Variants in PRCP observed in about 807,000 individuals in gnomAD.
PRCP encodes prolylcarboxypeptidase, also known as lysosomal Pro-X carboxypeptidase.
In PRCP, 46 loss-of-function variants were observed where a neutral mutation model predicts 54.2. That is an observed-to-expected ratio of 0.85 (90% CI 0.67 to 1.09). PRCP has a LOEUF of 1.09. Ranked by LOEUF, PRCP falls within the 50% of genes least tolerant of loss-of-function variation. The pLI, the probability that PRCP is intolerant of heterozygous loss-of-function variation, is 0.00. For missense variants in PRCP, 613 were observed against 596.8 expected (o/e 1.03, Z -0.28); for synonymous variants, 240 against 212.2 (o/e 1.13, Z -1.14).
chr11:82,852,796 A>G (rs541846560), intron 3 of PRCP, among the ~76,000 whole-genome samples: 2 of 152,346 alleles, frequency 1.3e-5, no homozygotes, highest in African/African-American at 4.8e-5. Flanking sequence ...ACATCTTATC[A>G]GATAAATTTG....
intron 1 of PRCP, among the ~76,000 whole-genome samples, chr11:82,882,653 G>A (rs1325702207): frequency 6.7e-6 from 1 of 150,138 alleles, no homozygotes; most frequent in Non-Finnish European, 1.5e-5. Flanking sequence ...CCGCCACTAC[G>A]CCCGGCTAAT....
intron 1 of PRCP, among the ~76,000 whole-genome samples, chr11:82,893,669 TG>T (rs1355912849): frequency 6.6e-6 from 1 of 152,124 alleles, no homozygotes; most frequent in African/African-American, 2.4e-5. Context: ...GGTGTACACC[TG>T]TAGTCCCAGC....
intron 1 of PRCP, among the ~76,000 whole-genome samples, chr11:82,863,634 A>T (rs1191862603): frequency 6.6e-6 from 1 of 152,230 alleles, no homozygotes; most frequent in African/African-American, 2.4e-5. Context: ...CCACAAAGAA[A>T]AACATTAATA....
chr11:82,880,500 A>T (rs1433402404), intron 1 of PRCP, among the ~76,000 whole-genome samples: 1 of 152,208 alleles, frequency 6.6e-6, no homozygotes, highest in East Asian at 1.9e-4. Flanking sequence ...AGGTGAGGCA[A>T]TGGCCTGCCC....
At chr11:82,850,152 G>GT (rs1235164071) in intron 4 of PRCP, 81 bp from the exon 5 acceptor site, 8 of 896,640 alleles carry the variant, frequency 8.9e-6, no homozygotes, top group Non-Finnish European at 1.2e-5. Context: ...TCTAAATCAA[G>GT]TTTTAAAGTT....
At chr11:82,898,170 A>G (rs562549627) in intron 1 of PRCP, among the ~76,000 whole-genome samples, 1 of 152,348 alleles carries the variant, frequency 6.6e-6, no homozygotes, top group South Asian at 2.1e-4. Context: ...TGGAATAGAC[A>G]GAAGAAAAAT....
Position 82,824,931 on chromosome 11 carries a change from T to C in PRCP, c.1466A>G (p.Tyr489Cys), listed in dbSNP as rs772774614. 6.2e-7 allele frequency: 1 copy of C among 1,614,092 alleles called. No individual in the cohort carries two copies. Among genetic ancestry groups the C allele is most frequent in the Non-Finnish European group, 8.5e-7 (1 of 1,179,976 alleles). Residue 489 changes from tyrosine (Y) to cysteine (C), a missense_variant, in exon 9 of 9, where the codon TAT (tyrosine) becomes TGT (cysteine). Physicochemically the swap from Tyr to Cys is radical, Grantham distance 194 (BLOSUM62 -2). Coordinates refer to ENST00000313010, the MANE Select transcript of PRCP (RefSeq NM_005040.4). The stretch of plus-strand genomic sequence containing the variant: ...TCAGTGCTGCTTTCCCGCACTGTCA[T>C]AGAAATCTCTGATCCAATTCTTCAT... ...RHMKNWIRDF[Y>C]DSAGKQH
At chr11:82,839,480 C>T (rs1858609035) in intron 6 of PRCP, 55 bp from the exon 7 acceptor site, 2 of 1,500,780 alleles carry the variant, frequency 1.3e-6, no homozygotes, top group East Asian at 2.3e-5. Flanking sequence ...TATAAAATGA[C>T]AGTTTAATAA....
intron 3 of PRCP, among the ~76,000 whole-genome samples, chr11:82,850,874 C>T (rs1858938368): frequency 6.6e-6 from 1 of 152,108 alleles, no homozygotes; most frequent in African/African-American, 2.4e-5. Context: ...CAAATATAAA[C>T]TAAATCTAGT....
At chr11:82,855,311 T>C (rs1333087662) in intron 2 of PRCP, among the ~76,000 whole-genome samples, 3 of 152,156 alleles carry the variant, frequency 2.0e-5, no homozygotes, top group Non-Finnish European at 2.9e-5. Context: ...CTAGAATCTA[T>C]AAGGAACTTA....
At chr11:82,850,230 G>T in intron 4 of PRCP, 94 bp downstream of exon 4, 1 of 1,198,786 alleles carries the variant, frequency 8.3e-7, no homozygotes, top group Non-Finnish European at 1.1e-6. Flanking sequence ...AAACCTCAGG[G>T]TAATGGCATG....
chr11:82,891,548 C>T (rs771429302), intron 1 of PRCP, among the ~76,000 whole-genome samples: 56 of 152,304 alleles, frequency 3.7e-4, no homozygotes, highest in Middle Eastern at 3.4e-3. Flanking sequence ...CAGATGTCCC[C>T]GCATTATCTG....
chr11:82,858,024 A>C (rs2121170299), intron 2 of PRCP, among the ~76,000 whole-genome samples: 1 of 152,322 alleles, frequency 6.6e-6, no homozygotes, highest in South Asian at 2.1e-4. Flanking sequence ...CATCCATTAC[A>C]ATGTCCAGAC....
chr11:82,891,491 G>T (rs139032938), intron 1 of PRCP, among the ~76,000 whole-genome samples: 127 of 152,242 alleles, frequency 8.3e-4, no homozygotes, highest in African/African-American at 2.9e-3. Flanking sequence ...AAGCTCCAAA[G>T]GCTTCTCATC....
At chr11:82,841,051 A>AT (rs1436025617) in intron 6 of PRCP, among the ~76,000 whole-genome samples, 36 of 130,556 alleles carry the variant, frequency 2.8e-4, no homozygotes, top group South Asian at 9.2e-4. Flanking sequence ...GATTATATAT[A>AT]TAATAGACTA....
intron 8 of PRCP, among the ~76,000 whole-genome samples, chr11:82,832,317 C>T (rs2061789240): frequency 6.6e-6 from 1 of 152,156 alleles, no homozygotes; most frequent in South Asian, 2.1e-4. Context: ...TACACTCCCA[C>T]CAACAGTATA....
At chr11:82,834,222 G>A (rs1858463157) in intron 8 of PRCP, among the ~76,000 whole-genome samples, 1 of 152,186 alleles carries the variant, frequency 6.6e-6, no homozygotes, top group South Asian at 2.1e-4. Flanking sequence ...CATTTGTGCT[G>A]TTTATATATT....
chr11:82,872,807 G>A (rs1212908541), intron 1 of PRCP, among the ~76,000 whole-genome samples: 1 of 152,096 alleles, frequency 6.6e-6, no homozygotes, highest in Admixed American at 6.5e-5. Context: ...TAATACAGAA[G>A]GCCTCTCTAT....
At chr11:82,874,701 AAAAAAAAAG>A (rs1296971134) in intron 1 of PRCP, among the ~76,000 whole-genome samples, 1 of 150,852 alleles carries the variant, frequency 6.6e-6, no homozygotes, top group Non-Finnish European at 1.5e-5. Flanking sequence ...AAAAAAAAAA[AAAAAAAAAG>A]AAAAAAAAGA....
Sources: gnomAD v4.1 joint callset for allele counts (sites outside exome capture counted in the v4.1 genomes callset) on GRCh38, gnomAD v4.1.1 for gene constraint, MANE v1.5 for transcripts, NCBI Gene and HGNC (gene_info 2026-07-23, HGNC 2026-07-21) for gene names.